SH3RF3: variants seen among roughly 807,000 people sequenced by gnomAD.
SH3RF3 encodes the protein E3 ubiquitin-protein ligase SH3RF3.
Under a neutral mutation model 66.3 loss-of-function variants are expected in SH3RF3, and 29 were observed. That is an observed-to-expected ratio of 0.44 (90% CI 0.33 to 0.60). The LOEUF (loss-of-function observed/expected upper bound fraction) is 0.60. Ranked by LOEUF, SH3RF3 falls within the 20% of genes least tolerant of loss-of-function variation. The pLI, the probability that SH3RF3 is intolerant of heterozygous loss-of-function variation, is 0.04. For missense variants in SH3RF3, 1,194 were observed against 1,190.9 expected (o/e 1.00, Z -0.04); for synonymous variants, 583 against 532.0 (o/e 1.10, Z -1.32).
chr2:109,492,640 G>A (rs529155725), intron 9 of SH3RF3, among the ~76,000 whole-genome samples: 56 of 152,240 alleles, frequency 3.7e-4, no homozygotes, highest in Non-Finnish European at 7.6e-4. Context: ...TGAGGAAACC[G>A]AGGTTTTGTA....
intron 1 of SH3RF3, among the ~76,000 whole-genome samples, chr2:109,326,275 TA>T (rs1182924686): frequency 6.6e-6 from 1 of 152,266 alleles, no homozygotes; most frequent in Non-Finnish European, 1.5e-5. Flanking sequence ...TTTGTTTTTT[TA>T]TGTAGTGTAC....
chr2:109,298,115 GAGGTGAAT>G (rs1238559457), intron 1 of SH3RF3, among the ~76,000 whole-genome samples: 1 of 152,210 alleles, frequency 6.6e-6, no homozygotes, highest in Non-Finnish European at 1.5e-5. Flanking sequence ...GGGGGATGCA[GAGGTGAAT>G]AGGGCATTGT....
chr2:109,488,462 A>T (rs1417313969), intron 8 of SH3RF3, among the ~76,000 whole-genome samples: 9 of 152,098 alleles, frequency 5.9e-5, no homozygotes, highest in Non-Finnish European at 1.3e-4. Context: ...TGGCCTGCGG[A>T]GGGGCTGACG....
intron 4 of SH3RF3, among the ~76,000 whole-genome samples, chr2:109,402,372 A>T (rs978980742): frequency 1.3e-5 from 2 of 152,238 alleles, no homozygotes; most frequent in African/African-American, 2.4e-5. Context: ...CAGGCCCAGG[A>T]TTCTGTGGTC....
chr2:109,237,426 G>A (rs776053416), intron 1 of SH3RF3, among the ~76,000 whole-genome samples: 2 of 152,210 alleles, frequency 1.3e-5, no homozygotes, highest in South Asian at 4.1e-4. Flanking sequence ...TATGGAGAAG[G>A]TTGGTGGAAG....
chr2:109,499,217 A>G (rs1363336401), intron 9 of SH3RF3, among the ~76,000 whole-genome samples: 4 of 152,128 alleles, frequency 2.6e-5, no homozygotes, highest in African/African-American at 9.7e-5. Flanking sequence ...CGTGTCTCCT[A>G]GACAGCCTCG....
At chr2:109,219,064 T>A (rs1280493607) in intron 1 of SH3RF3, among the ~76,000 whole-genome samples, 3 of 152,218 alleles carry the variant, frequency 2.0e-5, no homozygotes, top group Admixed American at 6.5e-5. Context: ...TTAGCTGACC[T>A]TAATTTGGAT....
At chr2:109,333,255 C>T (rs1055526981) in intron 1 of SH3RF3, among the ~76,000 whole-genome samples, 12 of 152,222 alleles carry the variant, frequency 7.9e-5, no homozygotes, top group African/African-American at 2.9e-4. Context: ...AATTCAAGTT[C>T]AGGGTGATTA....
chr2:109,137,068 T>C (rs1676832242), intron 1 of SH3RF3, among the ~76,000 whole-genome samples: 2 of 152,222 alleles, frequency 1.3e-5, no homozygotes, highest in South Asian at 4.1e-4. Context: ...TCTCTATTTA[T>C]AATGAAATGT....
At chr2:109,179,376 A>G (rs1678012940) in intron 1 of SH3RF3, among the ~76,000 whole-genome samples, 1 of 152,194 alleles carries the variant, frequency 6.6e-6, no homozygotes, top group South Asian at 2.1e-4. Context: ...GCAGAACGTG[A>G]GAGGACATGA....
chr2:109,171,910 A>G (rs906730430), intron 1 of SH3RF3, among the ~76,000 whole-genome samples: 8 of 152,364 alleles, frequency 5.3e-5, no homozygotes, highest in African/African-American at 1.7e-4. Context: ...CATAAAGGGC[A>G]TGCATGTGCC....
At chr2:109,366,946 T>A (rs1683161722) in intron 2 of SH3RF3, among the ~76,000 whole-genome samples, 1 of 152,096 alleles carries the variant, frequency 6.6e-6, no homozygotes, top group Non-Finnish European at 1.5e-5. Context: ...TGGGATTCGT[T>A]TTTTGAATTT....
chr2:109,419,426 CCAGGCAG>C, intron 4 of SH3RF3, 106 bp from the exon 5 acceptor site: 1 of 1,137,662 alleles, frequency 8.8e-7, no homozygotes, highest in Non-Finnish European at 1.3e-6. Flanking sequence ...GGCCAAACAG[CCAGGCAG>C]CTGGCGAAGC....
chr2:109,169,700 C>A (rs1476703194), intron 1 of SH3RF3, among the ~76,000 whole-genome samples: 1 of 151,896 alleles, frequency 6.6e-6, no homozygotes, highest in Admixed American at 6.6e-5. Flanking sequence ...CTATATCTCT[C>A]TCTCTATATA....
At chr2:109,388,815 C>T (rs1675900683) in intron 3 of SH3RF3, among the ~76,000 whole-genome samples, 1 of 145,714 alleles carries the variant, frequency 6.9e-6, no homozygotes, top group African/African-American at 2.6e-5. Context: ...TAGGGTTGCT[C>T]TGGGATGTCA....
At chr2:109,411,780 C>T (rs1476621747) in intron 4 of SH3RF3, among the ~76,000 whole-genome samples, 1 of 152,204 alleles carries the variant, frequency 6.6e-6, no homozygotes, top group African/African-American at 2.4e-5. Flanking sequence ...TTCATCTTGA[C>T]CTTTGGGAAA....
chr2:109,139,466 C>T (rs1301319776), intron 1 of SH3RF3, among the ~76,000 whole-genome samples: 1 of 152,208 alleles, frequency 6.6e-6, no homozygotes, highest in Non-Finnish European at 1.5e-5. Context: ...CTCTTGTATC[C>T]TGAGCGGCAT....
chr2:109,474,681 C>G (rs1226595458), intron 8 of SH3RF3, among the ~76,000 whole-genome samples: 1 of 152,250 alleles, frequency 6.6e-6, no homozygotes, highest in Non-Finnish European at 1.5e-5. Flanking sequence ...GGGCCAGCCC[C>G]TTACTTTTCT....
intron 5 of SH3RF3, among the ~76,000 whole-genome samples, chr2:109,430,408 GCCTT>G (rs953882352): frequency 3.9e-5 from 6 of 152,004 alleles, no homozygotes; most frequent in African/African-American, 1.4e-4. Context: ...CTCCTCTTCT[GCCTT>G]CCTTTGCCTC....
Sources: allele counts gnomAD v4.1 joint callset (sites outside exome capture counted in the v4.1 genomes callset), GRCh38; gene constraint gnomAD v4.1.1; transcripts MANE v1.5; gene names NCBI Gene and HGNC (gene_info 2026-07-23, HGNC 2026-07-21).